The following CTNND1 variants were observed in gnomAD, a reference collection of about 807,000 sequenced individuals.
CTNND1 encodes the protein catenin delta 1.
Under a neutral mutation model 112.1 loss-of-function variants are expected in CTNND1, and 16 were observed. The observed-to-expected ratio is 0.14, with a 90% CI of 0.10 to 0.22. The LOEUF (loss-of-function observed/expected upper bound fraction) is 0.22, where lower values mean the gene tolerates loss of function less well. Among genes scored for constraint, CTNND1 ranks in the 10% least tolerant of loss-of-function variants. The probability of loss-of-function intolerance (pLI) is 1.00; values close to 1 mark genes in which losing one functional copy is unlikely to be tolerated. For synonymous variants in CTNND1, 420 were observed against 446.5 expected (o/e 0.94, Z 0.75); for missense variants, 1,008 against 1,257.0 (o/e 0.80, Z 3.00).
chr11:57,798,823 T>C (rs2061669567), intron 6 of CTNND1, among the ~76,000 whole-genome samples: 1 of 152,214 alleles, frequency 6.6e-6, no homozygotes, highest in South Asian at 2.1e-4. Flanking sequence ...GTTCTTTTTT[T>C]CAAACAATCT....
At position 57,816,409 on chromosome 11, in the gene CTNND1, A is replaced by G; in HGVS notation, c.*101A>G. The G allele has an allele frequency of 6.7e-7, 1 of 1,482,842 alleles. No individual in the cohort carries two copies. The highest frequency in any genetic ancestry group is 9.4e-7 in the Non-Finnish European group (1 of 1,066,504). 91.9% of individuals were successfully genotyped at this position (1,482,842 alleles called of 1,614,324 possible). On this transcript the variant is annotated 3_prime_UTR_variant, in exon 21 of 21. Coordinates refer to ENST00000399050, the MANE Select transcript of CTNND1 (RefSeq NM_001085458.2). ...TTTTCTTCGCTGGACTATTGTGCCAACTGCCAGGCTGCCTCCTGCCCTTAC... is the reference window on the plus strand; with the variant it reads ...TTTTCTTCGCTGGACTATTGTGCCAGCTGCCAGGCTGCCTCCTGCCCTTAC...
chr11:57,801,789 C>T lies in CTNND1; in HGVS notation c.1013C>T (p.Pro338Leu), dbSNP rs2062048885. 6.2e-7 allele frequency: 1 copy of T among 1,614,006 alleles called. No homozygotes were observed. Among genetic ancestry groups the T allele is most frequent in the Non-Finnish European group, 8.5e-7 (1 of 1,179,882 alleles). ...EVPSDQYYWA[P>L]LAQHERGSLA... ...CCATCGGATCAATACTACTGGGCTCCTTTGGCCCAGCATGAGCGAGGAAGT... is the reference window on the plus strand; with the variant it reads ...CCATCGGATCAATACTACTGGGCTCTTTTGGCCCAGCATGAGCGAGGAAGT... Residue 338 changes from proline to leucine, a missense_variant, in exon 7 of 21, where the codon CCT becomes CTT. Physicochemically the swap from Pro to Leu is moderately conservative, Grantham distance 98. Transcript: ENST00000399050.
At chr11:57,781,270 T>C (rs1476780136) in intron 1 of CTNND1, among the ~76,000 whole-genome samples, 1 of 152,058 alleles carries the variant, frequency 6.6e-6, no homozygotes, top group Non-Finnish European at 1.5e-5. Flanking sequence ...GAATGTGAGC[T>C]CAAACAGTTG....
chr11:57,770,342 T>TA (rs556546821), intron 1 of CTNND1, among the ~76,000 whole-genome samples: 54 of 130,196 alleles, frequency 4.1e-4, no homozygotes, highest in African/African-American at 5.7e-4. Flanking sequence ...AAATAAAAAA[T>TA]AAAAAAAAAA....
In CTNND1 at chr11:57,806,441, C is replaced by T. The variant is rs1158090952; in HGVS notation, c.1877-20C>T. ...TTCATTTCTCTTCTCTGCTTTCTAC[C>T]TTGGGTGATGCACTGGAAGATGAGT... On this transcript the variant is annotated intron_variant, in intron 10 of 20. Coordinates refer to ENST00000399050, the MANE Select transcript of CTNND1 (RefSeq NM_001085458.2). The T allele has an allele frequency of 6.3e-6, 10 of 1,597,224 alleles. No homozygotes were observed. The highest frequency in any genetic ancestry group is 8.5e-6 in the Non-Finnish European group (10 of 1,170,192).
At chr11:57,786,361 G>A (rs1364744763) in intron 1 of CTNND1, among the ~76,000 whole-genome samples, 2 of 151,830 alleles carry the variant, frequency 1.3e-5, no homozygotes, top group East Asian at 3.9e-4. Flanking sequence ...GTGAAACCCC[G>A]TCTCCACTAA....
At chr11:57,804,503 T>A (rs2062408082) in intron 8 of CTNND1, among the ~76,000 whole-genome samples, 160 bp from the exon 9 acceptor site, 2 of 152,204 alleles carry the variant, frequency 1.3e-5, no homozygotes, top group South Asian at 4.1e-4. Flanking sequence ...AGGCAGGGAC[T>A]GTTAATCAAC....
At chr11:57,808,566 C>T (rs749017232) in intron 14 of CTNND1, 26 bp downstream of exon 14, 20 of 1,552,522 alleles carry the variant, frequency 1.3e-5, no homozygotes, top group Middle Eastern at 1.7e-4. Flanking sequence ...CTAACTGTTA[C>T]CTCAAAATTT....
intron 1 of CTNND1, among the ~76,000 whole-genome samples, chr11:57,782,231 A>G (rs2059656286): frequency 6.6e-6 from 1 of 152,164 alleles, no homozygotes; most frequent in African/African-American, 2.4e-5. Flanking sequence ...TTCCAATCAG[A>G]GAGAATGTAT....
At chr11:57,768,926 T>C (rs1951824500) in intron 1 of CTNND1, among the ~76,000 whole-genome samples, 1 of 152,190 alleles carries the variant, frequency 6.6e-6, no homozygotes, top group Non-Finnish European at 1.5e-5. Flanking sequence ...CTTTTCTTCA[T>C]ACTTAAGAAC....
At chr11:57,786,617 C>T (rs538401228) in intron 1 of CTNND1, among the ~76,000 whole-genome samples, 18 of 152,262 alleles carry the variant, frequency 1.2e-4, no homozygotes, top group African/African-American at 4.1e-4. Context: ...TGACTGTCTG[C>T]CAAAGTCAGC....
Position 57,816,428 on chromosome 11 carries a change from C to T in CTNND1, c.*120C>T, listed in dbSNP as rs1474985494. The T allele has an allele frequency of 4.0e-6, 5 of 1,257,452 alleles. No individual in the cohort carries two copies. The highest frequency in any genetic ancestry group is 4.6e-6 in the Non-Finnish European group (4 of 868,974). 77.9% of individuals were successfully genotyped at this position (1,257,452 alleles called of 1,614,324 possible). On this transcript the variant is annotated 3_prime_UTR_variant, in exon 21 of 21. Coordinates refer to ENST00000399050, the MANE Select transcript of CTNND1 (RefSeq NM_001085458.2). Reference sequence around the variant, plus strand: ...GTGCCAACTGCCAGGCTGCCTCCTGCCCTTACAGCCCTAAGTGGCTGCCTT... The same window carrying T: ...GTGCCAACTGCCAGGCTGCCTCCTGTCCTTACAGCCCTAAGTGGCTGCCTT...
Position 57,796,670 on chromosome 11 carries a change from G to A in CTNND1, c.634G>A (p.Gly212Ser), listed in dbSNP as rs2061392198. The A allele has an allele frequency of 1.2e-6, 2 of 1,613,892 alleles. No individual in the cohort carries two copies. The highest frequency in any genetic ancestry group is 8.5e-7 in the Non-Finnish European group (1 of 1,179,906). The change falls in exon 6 of 21, where the codon GGT (glycine) becomes AGT (serine). Residue 212 changes from glycine to serine, a missense_variant. Gly to Ser is a moderately conservative substitution (Grantham distance 56, BLOSUM62 0). Around this residue, in one of 5 missense-constraint regions of CTNND1, gnomAD observed 404 missense variants for 457.9 expected, o/e 0.88. Coordinates refer to ENST00000399050, the MANE Select transcript of CTNND1 (RefSeq NM_001085458.2). ...TAGGAACTTCCACTACCCTCCTGAT[G>A]GTTATAGTCGCCACTATGAAGATGG... ...LPRNFHYPPD[G>S]YSRHYEDGYP...
chr11:57,809,277 A>T lies in CTNND1; in HGVS notation c.2246A>T (p.Lys749Ile). 6.2e-7 allele frequency: 1 copy of T among 1,612,376 alleles called. No individual in the cohort carries two copies. Residue 749 changes from lysine to isoleucine, a missense_variant, in exon 15 of 21, where the codon AAA (lysine) becomes ATA (isoleucine). Transcript: ENST00000399050. Reference protein sequence around the residue: ...VDARNKELIGKHAIPNLVKNL... With the variant: ...VDARNKELIGIHAIPNLVKNL... ...TGCATACATTCTTTCTTACTAGGTA[A>T]ACATGCTATTCCTAACTTGGTAAAG...
intron 6 of CTNND1, among the ~76,000 whole-genome samples, chr11:57,798,739 C>T (rs1258460226): frequency 6.6e-6 from 1 of 152,078 alleles, no homozygotes; most frequent in African/African-American, 2.4e-5. Flanking sequence ...AGAATGGGGT[C>T]GACAGACCCC....
At chr11:57,791,246 G>A in intron 2 of CTNND1, 139 bp from the exon 3 acceptor site, 1 of 542,034 alleles carries the variant, frequency 1.8e-6, no homozygotes, top group Non-Finnish European at 2.8e-6. Context: ...CTGGTGATGG[G>A]CTCCCAGGCT....
chr11:57,806,816 A>G, intron 11 of CTNND1, 99 bp from the exon 12 acceptor site: 1 of 1,041,996 alleles, frequency 9.6e-7, no homozygotes, highest in South Asian at 1.4e-5. Context: ...TGCATCTGTG[A>G]TCAAAAGGTT....
In CTNND1 at chr11:57,796,618, G is replaced by C; in HGVS notation, c.582G>C (p.Val194=). ...GCAATGGGGGACCTGGTCCCTATGT[G>C]GGGCAAGCTGGCACTGCTACCCTTC... ...KNGNGGPGPY[V]GQAGTATLPR... Residue 194 remains valine (V), a synonymous_variant, in exon 6 of 21, where the codon GTG becomes GTC. Coordinates refer to ENST00000399050, the MANE Select transcript of CTNND1 (RefSeq NM_001085458.2). 1 of 1,614,000 alleles carries C rather than the reference G, an allele frequency of 6.2e-7. No homozygotes were observed. The highest frequency in any genetic ancestry group is 8.5e-7 in the Non-Finnish European group (1 of 1,179,890).
At chr11:57,805,539 G>A (rs568132944) in intron 9 of CTNND1, among the ~76,000 whole-genome samples, 4 of 66,402 alleles carry the variant, frequency 6.0e-5, no homozygotes, top group Admixed American at 2.3e-4. Flanking sequence ...CACTGTGCCC[G>A]GCTTTTTTTT....
Sources: gnomAD v4.1 joint callset for allele counts (sites outside exome capture counted in the v4.1 genomes callset) on GRCh38, gnomAD v4.1.1 for gene constraint, gnomAD v4.1.1 regional missense constraint, MANE v1.5 for transcripts, NCBI Gene and HGNC (gene_info 2026-07-23, HGNC 2026-07-21) for gene names.